The following PLA2G6 variants were observed in gnomAD, a reference collection of about 807,000 sequenced individuals.
PLA2G6 encodes the protein phospholipase A2 group VI, also known as 85/88 kDa calcium-independent phospholipase A2.
A neutral mutation model predicts 83.8 loss-of-function variants in PLA2G6; 62 were observed. The ratio of observed to expected loss-of-function variants is 0.74; its 90% CI spans 0.60 to 0.91. The LOEUF (loss-of-function observed/expected upper bound fraction) is 0.91, where lower values mean the gene tolerates loss of function less well. Ranked by LOEUF, PLA2G6 falls within the 40% of genes least tolerant of loss-of-function variation. PLA2G6 has a pLI of 0.00. For synonymous variants in PLA2G6, 417 were observed against 449.8 expected (o/e 0.93, Z 0.92); for missense variants, 944 against 1,102.0 (o/e 0.86, Z 2.03).
intron 2 of PLA2G6, among the ~76,000 whole-genome samples, chr22:38,152,976 A>C (rs1233573731): frequency 6.6e-6 from 1 of 152,214 alleles, no homozygotes; most frequent in African/African-American, 2.4e-5. Context: ...GGGAAAAAAA[A>C]AAAGGAAGCA....
chr22:38,116,105 C>T lies in PLA2G6; in HGVS notation c.1849G>A (p.Val617Ile), dbSNP rs139579057. Reference sequence around the variant, plus strand: ...GGCTGAGCTGGAGGCCTGAGGTTAACGTTCTGGTTGAAACGAGGCTCCCGG... The same window carrying T: ...GGCTGAGCTGGAGGCCTGAGGTTAATGTTCTGGTTGAAACGAGGCTCCCGG... ...TVREPRFNQN[V>I]NLRPPAQPSD... Residue 617 changes from valine (V) to isoleucine (I), a missense_variant, in exon 13 of 17, where the codon GTT (valine) becomes ATT (isoleucine). Val to Ile is a conservative substitution (Grantham distance 29). Transcript: ENST00000332509. The T allele has an allele frequency of 6.6e-5, 107 of 1,613,988 alleles. No homozygotes were observed. Among genetic ancestry groups the T allele is most frequent in the Non-Finnish European group, 8.4e-5 (99 of 1,180,012 alleles).
intron 1 of PLA2G6, among the ~76,000 whole-genome samples, chr22:38,174,700 A>T (rs2090565660): frequency 6.6e-6 from 1 of 152,210 alleles, no homozygotes; most frequent in Non-Finnish European, 1.5e-5. Context: ...ACACGGAGGA[A>T]GGCAGAGATC....
At chr22:38,129,422 C>A (rs750573751) in intron 8 of PLA2G6, 32 bp downstream of exon 8, 7 of 1,453,610 alleles carry the variant, frequency 4.8e-6, no homozygotes, top group Middle Eastern at 1.8e-4. Flanking sequence ...CAACCCTCAC[C>A]CCACTCCAGC....
At chr22:38,160,671 C>T (rs2089973221) in intron 2 of PLA2G6, among the ~76,000 whole-genome samples, 1 of 152,130 alleles carries the variant, frequency 6.6e-6, no homozygotes, top group Non-Finnish European at 1.5e-5. Flanking sequence ...ACGGTGAAAC[C>T]TCGTCTCTAC....
At position 38,181,752 on chromosome 22, in the gene PLA2G6, C is replaced by A. The variant is rs2090859390; in HGVS notation, c.-134G>T. The A allele has an allele frequency of 6.6e-6, 1 of 152,244 alleles. No homozygotes were observed. Among genetic ancestry groups the A allele is most frequent in the African/African-American group, 2.4e-5 (1 of 41,456 alleles). 9.4% of individuals were successfully genotyped at this position (152,244 alleles called of 1,614,324 possible). On this transcript the variant is annotated 5_prime_UTR_variant, in exon 1 of 17. Transcript: ENST00000332509. ...CGCCGAGGAAGTTGGGGAACGGACCCCCAGGCCCCGCCCACCCGCGAGGTC... is the reference window on the plus strand; with the variant it reads ...CGCCGAGGAAGTTGGGGAACGGACCACCAGGCCCCGCCCACCCGCGAGGTC...
At chr22:38,147,389 A>C (rs892971999) in intron 2 of PLA2G6, 3 of 169,328 alleles carry the variant, frequency 1.8e-5, no homozygotes, top group Admixed American at 6.5e-5. Flanking sequence ...TAGTGAAGGC[A>C]GTGCCCAGAG....
chr22:38,143,000 G>A, intron 4 of PLA2G6, 105 bp downstream of exon 4: 1 of 1,039,398 alleles, frequency 9.6e-7, no homozygotes, highest in Non-Finnish European at 1.5e-6. Context: ...GACCAATGGG[G>A]GACAGTGAGA....
chr22:38,142,738 A>G (rs1260070391), intron 4 of PLA2G6: 6 of 355,150 alleles, frequency 1.7e-5, no homozygotes, highest in Admixed American at 1.5e-4. Flanking sequence ...AAGCTTGCAA[A>G]AGGTTAAGCC....
chr22:38,143,383 C>T (rs896203173), intron 3 of PLA2G6, 95 bp from the exon 4 acceptor site: 96 of 1,201,778 alleles, frequency 8.0e-5, no homozygotes, highest in Non-Finnish European at 1.2e-4. Context: ...CACTCGGAAA[C>T]TCGGACTTTC....
In PLA2G6 at chr22:38,128,513, C is replaced by G; in HGVS notation, c.1187-83G>C. The stretch of plus-strand genomic sequence containing the variant: ...AAAGGAGAGGCCCCTCCTTTCCACA[C>G]TCCGTCCCCTGTCCCAGCTCCCAGG... On this transcript the variant is annotated intron_variant, in intron 8 of 16. Coordinates refer to ENST00000332509, the MANE Select transcript of PLA2G6 (RefSeq NM_003560.4). This position sits in a 1 kb window ranked among gnomAD's most constrained non-coding sequence, Gnocchi z 4.4. 1 of 1,451,240 alleles carries G rather than the reference C, an allele frequency of 6.9e-7. No individual in the cohort carries two copies. The highest frequency in any genetic ancestry group is 1.8e-5 in the Admixed American group (1 of 54,538). The allele number at this position is 1,451,240 out of a possible 1,614,324, so 89.9% of individuals were successfully genotyped here.
intron 10 of PLA2G6, 131 bp downstream of exon 10, chr22:38,126,240 G>C: frequency 1.3e-6 from 1 of 745,794 alleles, no homozygotes; most frequent in Non-Finnish European, 2.4e-6. Context: ...AGAACTATAA[G>C]ACTAGGAGCA....
At chr22:38,180,081 G>T (rs901542588) in intron 1 of PLA2G6, among the ~76,000 whole-genome samples, 1 of 150,834 alleles carries the variant, frequency 6.6e-6, no homozygotes, top group Non-Finnish European at 1.5e-5. Flanking sequence ...TCTTCACTAC[G>T]GCCCCTTACT....
intron 1 of PLA2G6, among the ~76,000 whole-genome samples, chr22:38,179,618 T>C (rs1364405515): frequency 6.6e-6 from 1 of 152,070 alleles, no homozygotes; most frequent in African/African-American, 2.4e-5. Context: ...ACCCCGCCTC[T>C]ACAAAAATAC....
chr22:38,175,337 G>A (rs2090592868), intron 1 of PLA2G6, among the ~76,000 whole-genome samples: 1 of 152,074 alleles, frequency 6.6e-6, no homozygotes, highest in Non-Finnish European at 1.5e-5. Flanking sequence ...CCCACTGTAC[G>A]ATGCAAATCC....
chr22:38,145,834 C>CAA (rs1602186509), intron 2 of PLA2G6, 181 bp from the exon 3 acceptor site: 1 of 626,908 alleles, frequency 1.6e-6, no homozygotes, highest in Admixed American at 2.3e-5. Flanking sequence ...CACACACACA[C>CAA]CCCTATACAC....
At chr22:38,151,270 T>A (rs1187135831) in intron 2 of PLA2G6, among the ~76,000 whole-genome samples, 2 of 151,514 alleles carry the variant, frequency 1.3e-5, no homozygotes, top group Non-Finnish European at 2.9e-5. Context: ...TTTGGAGACA[T>A]GGTCTCACTC....
chr22:38,114,109 C>A lies in PLA2G6; in HGVS notation c.2035-455G>T, dbSNP rs146408053. Among the ~76,000 whole-genome samples, 310 of 151,958 alleles carry A rather than the reference C, an allele frequency of 2.0e-3. 1 individual carries two copies. Among genetic ancestry groups the A allele is most frequent in the African/African-American group, 7.3e-3 (304 of 41,422 alleles). On this transcript the variant is annotated intron_variant, in intron 14 of 16. Transcript: ENST00000332509. The stretch of plus-strand genomic sequence containing the variant: ...TGAGGGCTCTCAGCGAAGCTCAGGC[C>A]GGGAAGCAGCTGCAGGGGCCACGTG...
intron 2 of PLA2G6, among the ~76,000 whole-genome samples, chr22:38,159,055 C>G (rs992545532): frequency 1.5e-4 from 23 of 152,118 alleles, no homozygotes; most frequent in Middle Eastern, 3.4e-3. Flanking sequence ...AAAAATTAGC[C>G]GGGTGTGGTG....
chr22:38,152,839 A>G (rs954224422), intron 2 of PLA2G6, among the ~76,000 whole-genome samples: 1 of 152,212 alleles, frequency 6.6e-6, no homozygotes, highest in Non-Finnish European at 1.5e-5. Flanking sequence ...ATCATATGAA[A>G]ACGCTCAATC....
Sources: gnomAD v4.1 joint callset for allele counts (sites outside exome capture counted in the v4.1 genomes callset) on GRCh38, gnomAD v4.1.1 for gene constraint, Gnocchi (gnomAD v3.1) non-coding constraint, MANE v1.5 for transcripts, NCBI Gene and HGNC (gene_info 2026-07-23, HGNC 2026-07-21) for gene names.